Variants in PLCB4 observed in about 807,000 individuals in gnomAD.
The protein encoded by PLCB4 is 1-phosphatidylinositol 4,5-bisphosphate phosphodiesterase beta-4.
Under a neutral mutation model 178.8 loss-of-function variants are expected in PLCB4, and 77 were observed. The observed-to-expected ratio is 0.43, with a 90% CI of 0.36 to 0.52. The LOEUF is 0.52. Among genes scored for constraint, PLCB4 ranks in the 20% least tolerant of loss-of-function variants. The probability of loss-of-function intolerance (pLI) is 0.00; values close to 1 mark genes in which losing one functional copy is unlikely to be tolerated. For missense variants in PLCB4, 1,024 were observed against 1,453.4 expected (o/e 0.70, Z 4.80); for synonymous variants, 496 against 490.8 (o/e 1.01, Z -0.14).
intron 3 of PLCB4, among the ~76,000 whole-genome samples, chr20:9,270,601 C>G (rs1421538986): frequency 6.6e-6 from 1 of 152,080 alleles, no homozygotes; most frequent in Non-Finnish European, 1.5e-5. Flanking sequence ...TTCAAACTCT[C>G]CATATATTTT....
At position 9,282,390 on chromosome 20, in the gene PLCB4, A is replaced by G. The variant is rs145835962; in HGVS notation, c.-15-25410A>G. ...ATAATTCATGTCATCCAGAAAAGTG[A>G]TGTTACAGTTTTATGTACTTCAGAG... On this transcript the variant is annotated intron_variant, in intron 3 of 39. Coordinates refer to ENST00000378473, the MANE Select transcript of PLCB4 (RefSeq NM_001377142.1). 4.4e-3 allele frequency among the ~76,000 whole-genome samples: 666 copies of G among 152,066 alleles called. 3 individuals carry two copies. Among genetic ancestry groups the G allele is most frequent in the Non-Finnish European group, 6.4e-3 (434 of 67,942 alleles).
At chr20:9,413,522 G>A (rs1420904936) in intron 25 of PLCB4, among the ~76,000 whole-genome samples, 2 of 151,974 alleles carry the variant, frequency 1.3e-5, no homozygotes, top group African/African-American at 4.8e-5. Context: ...AGCCGGGCGT[G>A]GTGGCGGGCA....
intron 10 of PLCB4, among the ~76,000 whole-genome samples, 185 bp from the exon 11 acceptor site, chr20:9,372,118 G>A (rs973068741): frequency 2.6e-5 from 4 of 152,138 alleles, no homozygotes; most frequent in Admixed American, 6.6e-5. Flanking sequence ...TGATGTACAC[G>A]CACTGTTTTT....
At chr20:9,235,077 C>T (rs1240066903) in intron 3 of PLCB4, among the ~76,000 whole-genome samples, 5 of 151,978 alleles carry the variant, frequency 3.3e-5, no homozygotes, top group African/African-American at 1.2e-4. Context: ...ATGTGATGGA[C>T]AATGGAATAT....
intron 2 of PLCB4, among the ~76,000 whole-genome samples, chr20:9,138,307 A>T (rs140290678): frequency 4.5e-4 from 69 of 152,292 alleles, no homozygotes; most frequent in African/African-American, 1.6e-3. Flanking sequence ...ATCACTTAAA[A>T]TAATATAGAC....
chr20:9,464,666 A>G (rs1487023918), intron 35 of PLCB4, among the ~76,000 whole-genome samples: 2 of 152,238 alleles, frequency 1.3e-5, no homozygotes, highest in Non-Finnish European at 2.9e-5. Flanking sequence ...CTATGCAAAT[A>G]AACTAGAAAA....
At chr20:9,209,777 C>T (rs1229443296) in intron 2 of PLCB4, among the ~76,000 whole-genome samples, 3 of 151,960 alleles carry the variant, frequency 2.0e-5, no homozygotes, top group African/African-American at 2.4e-5. Flanking sequence ...TCCTGGTTAA[C>T]GTGGTGAAAC....
intron 4 of PLCB4, among the ~76,000 whole-genome samples, chr20:9,314,230 A>G (rs957667997): frequency 6.6e-6 from 1 of 152,102 alleles, no homozygotes; most frequent in African/African-American, 2.4e-5. Flanking sequence ...TTGATTCAGA[A>G]AGCTCTAGGG....
intron 4 of PLCB4, among the ~76,000 whole-genome samples, chr20:9,314,811 C>T (rs2094880238): frequency 6.6e-6 from 1 of 152,090 alleles, no homozygotes; most frequent in Non-Finnish European, 1.5e-5. Context: ...ACCCTCACAG[C>T]CACAGGCTTC....
In PLCB4 at chr20:9,407,911, T is replaced by G; in HGVS notation, c.1648-6T>G. ...AACTTATATGTTTTCTTCCTTGTGCTTGTAGGGCCTGGTCACTGTAGAAGA... is the reference window on the plus strand; with the variant it reads ...AACTTATATGTTTTCTTCCTTGTGCGTGTAGGGCCTGGTCACTGTAGAAGA... On this transcript the variant is annotated splice_polypyrimidine_tract_variant and splice_region_variant and intron_variant, in intron 21 of 39. Coordinates refer to ENST00000378473, the MANE Select transcript of PLCB4 (RefSeq NM_001377142.1). The G allele has an allele frequency of 6.2e-7, 1 of 1,607,708 alleles. No homozygotes were observed. Among genetic ancestry groups the G allele is most frequent in the South Asian group, 1.1e-5 (1 of 89,682 alleles).
intron 28 of PLCB4, among the ~76,000 whole-genome samples, chr20:9,426,488 C>T (rs2041015945): frequency 1.3e-5 from 2 of 152,092 alleles, no homozygotes; most frequent in African/African-American, 4.8e-5. Flanking sequence ...AGGCGATTCT[C>T]CTGTCTCAGC....
intron 32 of PLCB4, among the ~76,000 whole-genome samples, chr20:9,452,921 C>A (rs2042851270): frequency 6.6e-6 from 1 of 152,160 alleles, no homozygotes; most frequent in Admixed American, 6.5e-5. Context: ...TTACATTTAG[C>A]ATATACAAGA....
chr20:9,167,075 G>A (rs1380025012), intron 2 of PLCB4, among the ~76,000 whole-genome samples: 1 of 151,692 alleles, frequency 6.6e-6, no homozygotes, highest in African/African-American at 2.4e-5. Flanking sequence ...ACTGTAACTC[G>A]AATAGAGTTT....
At chr20:9,153,821 G>T (rs2092734644) in intron 2 of PLCB4, among the ~76,000 whole-genome samples, 1 of 152,118 alleles carries the variant, frequency 6.6e-6, no homozygotes, top group Non-Finnish European at 1.5e-5. Context: ...ATCAGGAAAT[G>T]ATTATTATAA....
At chr20:9,161,947 C>T (rs2092895233) in intron 2 of PLCB4, among the ~76,000 whole-genome samples, 1 of 152,138 alleles carries the variant, frequency 6.6e-6, no homozygotes. Flanking sequence ...CCGATAATCA[C>T]TGATACTATA....
chr20:9,197,268 A>G (rs2093483605), intron 2 of PLCB4, among the ~76,000 whole-genome samples: 1 of 152,196 alleles, frequency 6.6e-6, no homozygotes, highest in Non-Finnish European at 1.5e-5. Flanking sequence ...CCATTAAGCA[A>G]TTCCACAGAT....
rs1199298966 is a variant in PLCB4, at chr20:9,133,933, A to C, written c.-79+37591A>C. Among the ~76,000 whole-genome samples the C allele has an allele frequency of 2.0e-5, 3 of 152,234 alleles. No individual in the cohort carries two copies. In the South Asian group the frequency reaches 6.2e-4, roughly 32 times the overall value. ...GTAGCTTTGAGAGACAACGTAAGAC[A>C]TGCAAAGAGTGTGAAGACAAAGCTT... is the stretch of plus-strand genomic sequence containing the variant. On this transcript the variant is annotated intron_variant, in intron 2 of 39. Coordinates refer to ENST00000378473, the MANE Select transcript of PLCB4 (RefSeq NM_001377142.1).
At chr20:9,298,080 C>T (rs946993657) in intron 3 of PLCB4, among the ~76,000 whole-genome samples, 4 of 151,952 alleles carry the variant, frequency 2.6e-5, no homozygotes, top group African/African-American at 9.7e-5. Context: ...AATCTCTGAC[C>T]TTCTTTCCTG....
intron 25 of PLCB4, among the ~76,000 whole-genome samples, chr20:9,412,044 C>T (rs905608583): frequency 6.6e-6 from 1 of 152,220 alleles, no homozygotes; most frequent in African/African-American, 2.4e-5. Flanking sequence ...TGGCTGCAAA[C>T]ACAGTGATTA....
Sources: allele counts gnomAD v4.1 joint callset (sites outside exome capture counted in the v4.1 genomes callset), GRCh38; gene constraint gnomAD v4.1.1; transcripts MANE v1.5; gene names NCBI Gene and HGNC (gene_info 2026-07-23, HGNC 2026-07-21).